Variants in MTOR observed in about 807,000 individuals in gnomAD.
The protein encoded by MTOR is serine/threonine-protein kinase mTOR.
Under a neutral mutation model 319.8 loss-of-function variants are expected in MTOR, and 70 were observed. The ratio of observed to expected loss-of-function variants is 0.22; its 90% CI spans 0.18 to 0.27. The LOEUF (loss-of-function observed/expected upper bound fraction) is 0.27. Among genes scored for constraint, MTOR ranks in the 10% least tolerant of loss-of-function variants. The pLI is 1.00. For missense variants in MTOR, 1,890 were observed against 3,274.4 expected, an observed-to-expected ratio of 0.58 and a Z score of 10.32; for synonymous variants, 1,183 against 1,211.4, an observed-to-expected ratio of 0.98 and a Z score of 0.49.
At chr1:11,151,869 T>G (rs1216046317) in intron 30 of MTOR, among the ~76,000 whole-genome samples, 1 of 152,204 alleles carries the variant, frequency 6.6e-6, no homozygotes, top group Non-Finnish European at 1.5e-5. Context: ...CCCTCTATTA[T>G]TTTTTCAGGA....
intron 3 of MTOR, among the ~76,000 whole-genome samples, chr1:11,257,380 C>CAAAAAAAAAAAAAAAAAAAAAAA (rs1006118528): frequency 5.4e-5 from 2 of 36,788 alleles, no homozygotes; most frequent in African/African-American, 8.8e-5. Flanking sequence ...TACTAAGATA[C>CAAAAAAAAAAAAAAAAAAAAAAA]AAAAAAAAAA....
At chr1:11,118,487 G>A (rs1020225407) in intron 49 of MTOR, among the ~76,000 whole-genome samples, 2 of 150,894 alleles carry the variant, frequency 1.3e-5, no homozygotes, top group Admixed American at 6.6e-5. Flanking sequence ...CGCCCGCCTC[G>A]GCCTCCTAAA....
intron 5 of MTOR, 106 bp from the exon 6 acceptor site, chr1:11,254,079 C>G: frequency 7.7e-7 from 1 of 1,302,194 alleles, no homozygotes; most frequent in Non-Finnish European, 1.1e-6. Flanking sequence ...ACCACGCCTG[C>G]TCAGTGCCTA....
At chr1:11,189,471 CAG>C (rs1645437182) in intron 28 of MTOR, 2 of 1,324,002 alleles carry the variant, frequency 1.5e-6, no homozygotes, top group Non-Finnish European at 2.1e-6. Flanking sequence ...GCGAGGCCCT[CAG>C]AGTGAAAGCG....
intron 38 of MTOR, 148 bp from the exon 39 acceptor site, chr1:11,130,925 G>T: frequency 9.7e-7 from 1 of 1,027,960 alleles, no homozygotes; most frequent in Non-Finnish European, 1.4e-6. Flanking sequence ...CTCAGAAATG[G>T]CTGTTTTACT....
At chr1:11,241,097 G>A (rs1350943040) in intron 10 of MTOR, among the ~76,000 whole-genome samples, 2 of 151,448 alleles carry the variant, frequency 1.3e-5, no homozygotes, top group African/African-American at 2.4e-5. Flanking sequence ...CGAGGTGGGC[G>A]GATCACAAGG....
intron 19 of MTOR, among the ~76,000 whole-genome samples, chr1:11,218,580 G>GA (rs2100815148): frequency 6.6e-6 from 1 of 152,276 alleles, no homozygotes; most frequent in South Asian, 2.1e-4. Context: ...GGAGGTCAGA[G>GA]AAAACTGAGA....
intron 28 of MTOR, among the ~76,000 whole-genome samples, chr1:11,192,891 C>G (rs1033386226): frequency 2.0e-5 from 3 of 152,050 alleles, no homozygotes; most frequent in Non-Finnish European, 2.9e-5. Flanking sequence ...AGTCAAACAA[C>G]AAGCCTTCTA....
intron 28 of MTOR, among the ~76,000 whole-genome samples, chr1:11,175,687 G>A (rs1409472265): frequency 1.3e-5 from 2 of 151,914 alleles, no homozygotes; most frequent in African/African-American, 2.4e-5. Flanking sequence ...AGCAGCTCAC[G>A]TGGGCAGTGG....
chr1:11,187,750 T>C (rs1645369578), intron 28 of MTOR, among the ~76,000 whole-genome samples: 2 of 152,224 alleles, frequency 1.3e-5, no homozygotes, highest in South Asian at 4.1e-4. Flanking sequence ...AGAGTCTCGT[T>C]ACTAAAATGA....
rs1472493030 is a variant in MTOR, at chr1:11,121,205, G to A, written c.6933+41C>T. On this transcript the variant is annotated intron_variant, in intron 49 of 57. Transcript: ENST00000361445. The surrounding 1 kb of genome is among the most constrained non-coding windows in gnomAD (Gnocchi z 4.9). ...GGAGGGCCATCCTATTGCGAGTGGG[G>A]GTTCCAGGAGAGCGCAGGTCTGCAG... is the stretch of plus-strand genomic sequence containing the variant. 6.2e-7 allele frequency: 1 copy of A among 1,608,740 alleles called. No homozygotes were observed. The highest frequency in any genetic ancestry group is 2.2e-5 in the East Asian group (1 of 44,876).
chr1:11,196,367 C>T (rs1571139442), intron 28 of MTOR, among the ~76,000 whole-genome samples: 1 of 152,276 alleles, frequency 6.6e-6, no homozygotes, highest in East Asian at 1.9e-4. Flanking sequence ...AATATATTTA[C>T]TGATATGTGA....
intron 28 of MTOR, chr1:11,195,797 A>G (rs1269710564): frequency 6.6e-6 from 1 of 152,568 alleles, no homozygotes; most frequent in African/African-American, 2.4e-5. Context: ...GTAAGAAACA[A>G]GCTCAAGGAG....
chr1:11,181,144 C>T (rs1645132953), intron 28 of MTOR, among the ~76,000 whole-genome samples: 1 of 152,004 alleles, frequency 6.6e-6, no homozygotes, highest in African/African-American at 2.4e-5. Context: ...TGCATGCAGC[C>T]CCTAGGGCCA....
intron 11 of MTOR, among the ~76,000 whole-genome samples, chr1:11,239,205 TAAA>T (rs1341794327): frequency 2.0e-5 from 3 of 152,168 alleles, no homozygotes; most frequent in African/African-American, 7.2e-5. Context: ...CTTTAAATAA[TAAA>T]TTATTTTGTT....
At chr1:11,228,994 A>G in intron 18 of MTOR, 76 bp from the exon 19 acceptor site, 1 of 1,536,706 alleles carries the variant, frequency 6.5e-7, no homozygotes, top group Non-Finnish European at 8.9e-7. Context: ...GTTAGTAACA[A>G]ACAACCTCCT....
chr1:11,149,822 G>A (rs1644074635), intron 31 of MTOR, among the ~76,000 whole-genome samples: 1 of 152,166 alleles, frequency 6.6e-6, no homozygotes, highest in Non-Finnish European at 1.5e-5. Context: ...AAAGCATCTG[G>A]CATCAGTACT....
At chr1:11,182,171 T>TGC (rs1645180139) in intron 28 of MTOR, among the ~76,000 whole-genome samples, 1 of 151,558 alleles carries the variant, frequency 6.6e-6, no homozygotes, top group East Asian at 1.9e-4. Context: ...GAGCTGAGAT[T>TGC]GCGCCACTGC....
intron 54 of MTOR, among the ~76,000 whole-genome samples, chr1:11,112,317 C>T (rs1410128360): frequency 6.6e-6 from 1 of 152,208 alleles, no homozygotes; most frequent in Non-Finnish European, 1.5e-5. Context: ...AGCTGATATT[C>T]AGACATACTT....
Sources: allele counts gnomAD v4.1 joint callset (sites outside exome capture counted in the v4.1 genomes callset), GRCh38; gene constraint gnomAD v4.1.1; non-coding constraint Gnocchi (gnomAD v3.1); transcripts MANE v1.5; gene names NCBI Gene and HGNC (gene_info 2026-07-23, HGNC 2026-07-21).